The following NRXN3 variants were observed in gnomAD, a reference collection of about 807,000 sequenced individuals.
The protein encoded by NRXN3 is neurexin 3, also known as neurexin III.
NRXN3 carries 32 observed loss-of-function variants against 137.6 expected under a neutral mutation model. The observed-to-expected ratio is 0.23, with a 90% CI of 0.18 to 0.31. The LOEUF is 0.31. NRXN3 is among the 10% of genes least tolerant of loss of function. The pLI, the probability that NRXN3 is intolerant of heterozygous loss-of-function variation, is 1.00. For missense variants in NRXN3, 1,574 were observed against 2,062.5 expected (o/e 0.76, Z 4.59); for synonymous variants, 798 against 784.5 (o/e 1.02, Z -0.29).
intron 4 of NRXN3, among the ~76,000 whole-genome samples, chr14:78,439,047 G>A (rs1432409479): frequency 6.6e-6 from 1 of 152,096 alleles, no homozygotes; most frequent in African/African-American, 2.4e-5. Context: ...GGAATGTGAA[G>A]GTCACTTGCT....
intron 4 of NRXN3, among the ~76,000 whole-genome samples, chr14:78,399,505 T>C (rs988545963): frequency 6.6e-6 from 1 of 152,176 alleles, no homozygotes; most frequent in African/African-American, 2.4e-5. Context: ...CTGTCCAGGG[T>C]GCTGGACTCT....
chr14:79,577,313 T>C (rs112437774), intron 16 of NRXN3, among the ~76,000 whole-genome samples: 3 of 152,318 alleles, frequency 2.0e-5, no homozygotes, highest in African/African-American at 2.4e-5. Context: ...AATAAAACAA[T>C]TGCTTACTGT....
intron 15 of NRXN3, among the ~76,000 whole-genome samples, chr14:79,249,994 A>G (rs1286889848): frequency 6.6e-6 from 1 of 152,234 alleles, no homozygotes; most frequent in East Asian, 1.9e-4. Context: ...GTGCTTATGC[A>G]CTAATAACCA....
At chr14:79,666,866 A>G (rs2098560006) in intron 17 of NRXN3, among the ~76,000 whole-genome samples, 1 of 152,020 alleles carries the variant, frequency 6.6e-6, no homozygotes, top group Admixed American at 6.6e-5. Flanking sequence ...GCTCCCATGA[A>G]GCAGCTGAAA....
chr14:79,313,933 G>A (rs1346252188), intron 15 of NRXN3: 1 of 144,146 alleles, frequency 6.9e-6, no homozygotes, highest in African/African-American at 2.6e-5. Flanking sequence ...TCTTCTCTCA[G>A]CTCGTCAAAA....
At chr14:78,363,854 A>G (rs2085498152) in intron 4 of NRXN3, among the ~76,000 whole-genome samples, 1 of 152,230 alleles carries the variant, frequency 6.6e-6, no homozygotes, top group East Asian at 1.9e-4. Context: ...AATGCTCATC[A>G]GATAAAATGC....
At position 79,866,655 on chromosome 14, in the gene NRXN3, C is replaced by CAAGG. The variant is rs1386488260; in HGVS notation, c.*4692_*4695dup. 1 of 152,100 alleles carries CAAGG rather than the reference C, an allele frequency of 6.6e-6. No homozygotes were observed. The highest frequency in any genetic ancestry group is 1.5e-5 in the Non-Finnish European group (1 of 68,032). 9.4% of individuals were successfully genotyped at this position (152,100 alleles called of 1,614,324 possible). ...GAGAATAGCTTGAGAAGTTCAAGGTCAAGGGCTGCTTTGTCGAGTACAAAG... is the reference window on the plus strand; with the variant it reads ...GAGAATAGCTTGAGAAGTTCAAGGTCAAGGAAGGGCTGCTTTGTCGAGTACAAAG... On this transcript the variant is annotated 3_prime_UTR_variant, in exon 21 of 21. Transcript: ENST00000335750.
At chr14:79,071,884 G>A (rs549713896) in intron 15 of NRXN3, among the ~76,000 whole-genome samples, 10 of 152,282 alleles carry the variant, frequency 6.6e-5, no homozygotes, top group African/African-American at 2.4e-4. Context: ...TTACCCTGAT[G>A]TGATTATTAC....
intron 16 of NRXN3, among the ~76,000 whole-genome samples, chr14:79,566,381 C>T (rs1473990841): frequency 6.6e-6 from 1 of 152,090 alleles, no homozygotes; most frequent in East Asian, 1.9e-4. Flanking sequence ...CTCCTCACCT[C>T]TCTCCTTGAC....
At chr14:79,524,048 A>G (rs1238192486) in intron 16 of NRXN3, among the ~76,000 whole-genome samples, 1 of 152,218 alleles carries the variant, frequency 6.6e-6, no homozygotes, top group Non-Finnish European at 1.5e-5. Context: ...CATCTAAATA[A>G]TCGGTAATGA....
chr14:78,784,218 C>A (rs2098781112), intron 8 of NRXN3, among the ~76,000 whole-genome samples: 1 of 152,072 alleles, frequency 6.6e-6, no homozygotes, highest in Admixed American at 6.6e-5. Flanking sequence ...GCTATTTGGG[C>A]TAGGGCCTGA....
At chr14:78,360,607 C>T (rs2084970565) in intron 4 of NRXN3, among the ~76,000 whole-genome samples, 1 of 152,146 alleles carries the variant, frequency 6.6e-6, no homozygotes, top group Non-Finnish European at 1.5e-5. Context: ...GCGCCTACCC[C>T]ACAAGGTTAT....
chr14:78,752,988 G>T (rs2098650184), intron 8 of NRXN3, among the ~76,000 whole-genome samples: 1 of 152,158 alleles, frequency 6.6e-6, no homozygotes, highest in Admixed American at 6.5e-5. Flanking sequence ...CTGAGGGTGT[G>T]GTGTACACAC....
At chr14:79,344,094 G>T (rs2092748999) in intron 15 of NRXN3, among the ~76,000 whole-genome samples, 1 of 152,160 alleles carries the variant, frequency 6.6e-6, no homozygotes, top group Admixed American at 6.5e-5. Flanking sequence ...TGCCAGCTCT[G>T]TTTGACACTT....
chr14:79,857,412 T>C (rs947302557), intron 20 of NRXN3, among the ~76,000 whole-genome samples: 7 of 152,022 alleles, frequency 4.6e-5, no homozygotes, highest in Non-Finnish European at 1.0e-4. Context: ...TTAGTAGAGA[T>C]GGGGTTTCAC....
intron 6 of NRXN3, among the ~76,000 whole-genome samples, chr14:78,705,605 G>A (rs1341180705): frequency 2.6e-5 from 4 of 152,128 alleles, no homozygotes; most frequent in Admixed American, 6.5e-5. Flanking sequence ...TTTGTGTGCC[G>A]GTTTAGAATT....
chr14:78,217,214 A>G (rs746780498), intron 1 of NRXN3, among the ~76,000 whole-genome samples: 12 of 152,246 alleles, frequency 7.9e-5, no homozygotes, highest in Non-Finnish European at 1.5e-4. Flanking sequence ...ACTCAGAAAA[A>G]TAGCAAACCC....
At chr14:79,377,961 T>A (rs893957700) in intron 15 of NRXN3, among the ~76,000 whole-genome samples, 1 of 152,178 alleles carries the variant, frequency 6.6e-6, no homozygotes. Context: ...GACATATTAG[T>A]TATACTCTTA....
intron 16 of NRXN3, among the ~76,000 whole-genome samples, chr14:79,559,796 A>G (rs960222456): frequency 3.3e-5 from 5 of 152,200 alleles, no homozygotes; most frequent in African/African-American, 1.2e-4. Flanking sequence ...AAAGTTTTGT[A>G]TGAAAACAGT....
Sources: allele counts gnomAD v4.1 joint callset (sites outside exome capture counted in the v4.1 genomes callset), GRCh38; gene constraint gnomAD v4.1.1; transcripts MANE v1.5; gene names NCBI Gene and HGNC (gene_info 2026-07-23, HGNC 2026-07-21).